Variants in TANC1 observed in about 807,000 individuals in gnomAD.
TANC1 encodes the protein tetratricopeptide repeat, ankyrin repeat and coiled-coil containing 1, also known as protein TANC1.
Under a neutral mutation model 149.7 loss-of-function variants are expected in TANC1, and 77 were observed. The observed-to-expected ratio is 0.51, with a 90% CI of 0.43 to 0.62. The LOEUF is 0.62. TANC1 is among the 20% of genes least tolerant of loss of function. TANC1 has a pLI of 0.00. For missense variants in TANC1, 1,985 were observed against 2,321.8 expected (o/e 0.85, Z 2.98); for synonymous variants, 854 against 925.0 (o/e 0.92, Z 1.39).
chr2:159,029,666 C>G (rs1347969519), intron 2 of TANC1, among the ~76,000 whole-genome samples: 1 of 152,270 alleles, frequency 6.6e-6, no homozygotes, highest in Non-Finnish European at 1.5e-5. Flanking sequence ...TGGGCTCAAG[C>G]AGTCCTCCCA....
rs1340440167 is a variant in TANC1 at position 159,103,401 on chromosome 2, A to G, written c.259+5567A>G. Among the ~76,000 whole-genome samples the G allele has an allele frequency of 2.1e-5, 2 of 96,278 alleles. 1 individual carries two copies. Among genetic ancestry groups the G allele is most frequent in the African/African-American group, 5.8e-5 (2 of 34,702 alleles). The allele number at this position is 96,278 out of a possible 152,430, so 63.2% of individuals were successfully genotyped here. On this transcript the variant is annotated intron_variant, in intron 4 of 26. Coordinates refer to ENST00000263635, the MANE Select transcript of TANC1 (RefSeq NM_033394.3). ...TGAGTGGCTGCTTTTTGAAATTCAC[A>G]TCTTCTGGGAACAGCTTAAATGGAT... is the stretch of plus-strand genomic sequence containing the variant.
At chr2:159,182,207 C>CAAAAAAAA (rs11437110) in intron 14 of TANC1, among the ~76,000 whole-genome samples, 1 of 149,842 alleles carries the variant, frequency 6.7e-6, no homozygotes, top group Non-Finnish European at 1.5e-5. Flanking sequence ...AAAACTGTCT[C>CAAAAAAAA]AAAAAAAAAG....
intron 3 of TANC1, among the ~76,000 whole-genome samples, chr2:159,094,768 T>C (rs2045910554): frequency 2.1e-5 from 2 of 95,266 alleles, no homozygotes; most frequent in Non-Finnish European, 3.8e-5. Flanking sequence ...GAAGCTTGTG[T>C]GTGTGTGGGG....
In TANC1 at chr2:159,228,535, C is replaced by T. The variant is rs2060156283; in HGVS notation, c.4051-261C>T. The T allele has an allele frequency of 1.8e-5, 8 of 447,706 alleles. No individual in the cohort carries two copies. In the South Asian group the frequency reaches 2.1e-4, roughly 12 times the overall value. The allele number at this position is 447,706 out of a possible 1,614,324, so 27.7% of individuals were successfully genotyped here. On this transcript the variant is annotated intron_variant, in intron 25 of 26. Coordinates refer to ENST00000263635, the MANE Select transcript of TANC1 (RefSeq NM_033394.3). The stretch of plus-strand genomic sequence containing the variant: ...GCGCTCCTCTCTGAGGCTGCCCCTC[C>T]ACCGGGCTGTGAGGTTCCACCATCT...
intron 5 of TANC1, among the ~76,000 whole-genome samples, chr2:159,136,940 A>G (rs2050826304): frequency 6.6e-6 from 1 of 152,214 alleles, no homozygotes. Context: ...AAATCAATTC[A>G]AGAATTTTCC....
intron 2 of TANC1, among the ~76,000 whole-genome samples, chr2:159,025,263 CTTT>C (rs977493111): frequency 9.6e-6 from 1 of 104,632 alleles, no homozygotes; most frequent in African/African-American, 3.4e-5. Context: ...TCCTTCCTTC[CTTT>C]TTTCCTTTTC....
At chr2:159,139,567 T>A in intron 5 of TANC1, among the ~76,000 whole-genome samples, 1 of 152,252 alleles carries the variant, frequency 6.6e-6, no homozygotes, top group East Asian at 1.9e-4. Flanking sequence ...TTCTTTGATT[T>A]AGGGGTAACC....
At chr2:159,163,095 G>A (rs1354564824) in intron 7 of TANC1, among the ~76,000 whole-genome samples, 188 bp from the exon 8 acceptor site, 1 of 152,140 alleles carries the variant, frequency 6.6e-6, no homozygotes, top group Non-Finnish European at 1.5e-5. Flanking sequence ...TGATTTAGCA[G>A]CTTATTTCCC....
intron 4 of TANC1, among the ~76,000 whole-genome samples, chr2:159,127,504 A>T (rs1336562520): frequency 6.6e-6 from 1 of 152,246 alleles, no homozygotes; most frequent in Non-Finnish European, 1.5e-5. Flanking sequence ...AGACGTGCAC[A>T]CGTATGTTTA....
At chr2:159,220,990 C>T (rs2059673580) in intron 22 of TANC1, among the ~76,000 whole-genome samples, 1 of 152,170 alleles carries the variant, frequency 6.6e-6, no homozygotes, top group South Asian at 2.1e-4. Flanking sequence ...TTCATGTATC[C>T]ATCACCCAAA....
At chr2:159,164,333 A>C (rs926581680) in intron 8 of TANC1, among the ~76,000 whole-genome samples, 2 of 152,256 alleles carry the variant, frequency 1.3e-5, no homozygotes, top group African/African-American at 4.8e-5. Context: ...ATTAGGTATT[A>C]TAAGTAATCT....
intron 4 of TANC1, among the ~76,000 whole-genome samples, chr2:159,124,671 A>G (rs1218980454): frequency 2.6e-5 from 4 of 152,130 alleles, no homozygotes; most frequent in Non-Finnish European, 5.9e-5. Context: ...CTTTAAATCA[A>G]AGTTTGTGGT....
chr2:159,130,093 G>A (rs1405584033), intron 4 of TANC1, among the ~76,000 whole-genome samples: 2 of 152,174 alleles, frequency 1.3e-5, no homozygotes, highest in East Asian at 3.9e-4. Flanking sequence ...GCTCCTAGAG[G>A]AGCTGGTTGT....
intron 11 of TANC1, among the ~76,000 whole-genome samples, chr2:159,173,624 A>C (rs2055515805): frequency 6.6e-6 from 1 of 152,194 alleles, no homozygotes; most frequent in African/African-American, 2.4e-5. Flanking sequence ...AAATAAATAA[A>C]TAAATAGATT....
At chr2:159,225,560 C>T (rs898491078) in intron 23 of TANC1, 128 bp from the exon 24 acceptor site, 18 of 711,460 alleles carry the variant, frequency 2.5e-5, no homozygotes, top group South Asian at 2.1e-4. Context: ...TGCTCCCTCC[C>T]TCATCGTGCT....
intron 16 of TANC1, among the ~76,000 whole-genome samples, chr2:159,191,192 G>A (rs1244885997): frequency 6.6e-6 from 1 of 152,190 alleles, no homozygotes; most frequent in Non-Finnish European, 1.5e-5. Context: ...CTTGCACATG[G>A]CCTGTTCTTC....
intron 1 of TANC1, among the ~76,000 whole-genome samples, chr2:158,992,755 C>T (rs1483636054): frequency 1.3e-5 from 2 of 149,582 alleles, no homozygotes; most frequent in Non-Finnish European, 2.9e-5. Flanking sequence ...CTCCTGACCT[C>T]GTGATCCACC....
In TANC1 at chr2:159,136,188, C is replaced by G. The variant is rs2288105; in HGVS notation, c.260-6C>G. 1 of 1,566,608 alleles carries G rather than the reference C, an allele frequency of 6.4e-7. No individual in the cohort carries two copies. The highest frequency in any genetic ancestry group is 1.1e-5 in the South Asian group (1 of 90,076). On this transcript the variant is annotated splice_region_variant and splice_polypyrimidine_tract_variant and intron_variant, in intron 4 of 26. Transcript: ENST00000263635. Reference sequence around the variant, plus strand: ...ATTAGCCACACTCAGATCTTTCCCACTACAGGTCCCGTCAGGAAGCCCAAG... The same window carrying G: ...ATTAGCCACACTCAGATCTTTCCCAGTACAGGTCCCGTCAGGAAGCCCAAG...
chr2:159,148,458 G>A (rs2052393077), intron 5 of TANC1: 1 of 152,264 alleles, frequency 6.6e-6, no homozygotes, highest in Non-Finnish European at 1.5e-5. Flanking sequence ...GCATTGCTGT[G>A]CAGCATTCTG....
Sources: gnomAD v4.1 joint callset for allele counts (sites outside exome capture counted in the v4.1 genomes callset) on GRCh38, gnomAD v4.1.1 for gene constraint, MANE v1.5 for transcripts, NCBI Gene and HGNC (gene_info 2026-07-23, HGNC 2026-07-21) for gene names.